The following PCDH7 variants were observed in gnomAD, a reference collection of about 807,000 sequenced individuals.
PCDH7 encodes the protein protocadherin-7.
A neutral mutation model predicts 58.9 loss-of-function variants in PCDH7; 17 were observed. The ratio of observed to expected loss-of-function variants is 0.29; its 90% CI spans 0.20 to 0.43. PCDH7 has a LOEUF of 0.43. Among genes scored for constraint, PCDH7 ranks in the 20% least tolerant of loss-of-function variants. The pLI, the probability that PCDH7 is intolerant of heterozygous loss-of-function variation, is 1.00. For missense variants in PCDH7, 1,274 were observed against 1,441.0 expected (o/e 0.88, Z 1.88); for synonymous variants, 664 against 616.4 (o/e 1.08, Z -1.14).
At chr4:30,861,457 C>T (rs2109354461) in intron 1 of PCDH7, among the ~76,000 whole-genome samples, 1 of 152,300 alleles carries the variant, frequency 6.6e-6, no homozygotes, top group South Asian at 2.1e-4. Context: ...GAAAAAGCAA[C>T]ACAATAACAA....
chr4:30,730,942 A>C, exon 2 of PCDH7: 2 of 1,320,434 alleles, frequency 1.5e-6, no homozygotes, highest in Non-Finnish European at 1.9e-6. Flanking sequence ...TTTCTTTCTC[A>C]TATACAGAAA....
intron 3 of PCDH7, among the ~76,000 whole-genome samples, chr4:31,031,530 T>C (rs1292662783): frequency 6.6e-6 from 1 of 152,186 alleles, no homozygotes; most frequent in African/African-American, 2.4e-5. Context: ...GCTGGAAGGA[T>C]AGTTTATGAA....
intron 1 of PCDH7, among the ~76,000 whole-genome samples, chr4:30,898,782 G>A (rs1291776238): frequency 1.3e-5 from 2 of 152,006 alleles, no homozygotes; most frequent in African/African-American, 2.4e-5. Flanking sequence ...TAGTAGAGAC[G>A]GGGTTTCACT....
chr4:30,857,530 G>T (rs936470166), intron 1 of PCDH7, among the ~76,000 whole-genome samples: 1 of 152,070 alleles, frequency 6.6e-6, no homozygotes, highest in Non-Finnish European at 1.5e-5. Flanking sequence ...AGTAAAGCTC[G>T]TCTGGGTTGT....
intron 3 of PCDH7, among the ~76,000 whole-genome samples, chr4:30,960,882 G>C (rs1748345697): frequency 6.6e-6 from 1 of 152,138 alleles, no homozygotes; most frequent in Admixed American, 6.6e-5. Context: ...ATAAAATTTA[G>C]TTTTAAGATG....
At chr4:30,813,787 G>T (rs548769388) in intron 1 of PCDH7, among the ~76,000 whole-genome samples, 2 of 151,926 alleles carry the variant, frequency 1.3e-5, no homozygotes, top group Non-Finnish European at 2.9e-5. Flanking sequence ...GATTACAGGC[G>T]CCTGCCACCA....
chr4:30,722,199 G>T lies in PCDH7; in HGVS notation c.777G>T (p.Gln259His). Residue 259 changes from glutamine (Q) to histidine (H), a missense_variant, in exon 1 of 2, where the codon CAG (glutamine) becomes CAT (histidine). Physicochemically the swap from Gln to His is conservative, Grantham distance 24. Transcript: ENST00000361762. The surrounding 1 kb of genome is among the most constrained non-coding windows in gnomAD (Gnocchi z 7.6). ...CCCCGGACGGCGAGAAGCAGCCGCA[G>T]CTGATCGTGAAGGGGGCGCTGGACC... The T allele has an allele frequency of 6.3e-7, 1 of 1,581,152 alleles. No individual in the cohort carries two copies. Among genetic ancestry groups the T allele is most frequent in the Non-Finnish European group, 8.6e-7 (1 of 1,164,178 alleles).
chr4:30,942,376 G>A (rs1400656018), intron 2 of PCDH7, among the ~76,000 whole-genome samples: 1 of 151,936 alleles, frequency 6.6e-6, no homozygotes, highest in South Asian at 2.1e-4. Flanking sequence ...TCTTTATAGA[G>A]CCTTGATGAA....
rs544910264 is a variant in PCDH7, at chr4:31,018,292, T to C, written c.*7+68077T>C. 7.2e-5 allele frequency among the ~76,000 whole-genome samples: 11 copies of C among 152,248 alleles called. No homozygotes were observed. The East Asian group carries it at 2.1e-3, about 29-fold the overall frequency. ...AAAGGAAATATTCACCAATGTAACT[T>C]GGGGAGAAAGATTCTGATCAGAAAA... On this transcript the variant is annotated intron_variant, in intron 3 of 3. Coordinates refer to the PCDH7 transcript ENST00000509759.
In PCDH7 at chr4:30,724,269, C is replaced by T. The variant is rs745957828; in HGVS notation, c.2847C>T (p.Ser949=). 2.5e-5 allele frequency: 40 copies of T among 1,613,602 alleles called. No individual in the cohort carries two copies. In the East Asian group the frequency reaches 6.7e-4, roughly 27 times the overall value. Reference sequence around the variant, plus strand: ...AAAAATCTAAGCAGCCTCTCTACAGCAGCATTGTCACTGTGGAGGCTTCTA... The same window carrying T: ...AAAAATCTAAGCAGCCTCTCTACAGTAGCATTGTCACTGTGGAGGCTTCTA... Residue 949 remains serine, a synonymous_variant, in exon 1 of 2, where the codon AGC becomes AGT. Transcript: ENST00000361762.
intron 3 of PCDH7, among the ~76,000 whole-genome samples, chr4:31,068,202 A>G (rs1179844814): frequency 2.0e-5 from 3 of 151,904 alleles, no homozygotes; most frequent in Admixed American, 1.3e-4. Context: ...CTAACTAAAG[A>G]GAAAGTAGAT....
intron 1 of PCDH7, among the ~76,000 whole-genome samples, chr4:30,749,726 G>A (rs1718258402): frequency 6.6e-6 from 1 of 152,104 alleles, no homozygotes; most frequent in Admixed American, 6.6e-5. Context: ...CGAAACCAGT[G>A]AATCCTGATG....
chr4:30,730,568 C>T (rs1461104372), intron 1 of PCDH7, among the ~76,000 whole-genome samples: 2 of 152,084 alleles, frequency 1.3e-5, no homozygotes, highest in African/African-American at 4.8e-5. Context: ...GGTAGGATTC[C>T]TCTGACAAGT....
At chr4:30,908,439 G>T (rs974909033) in intron 1 of PCDH7, among the ~76,000 whole-genome samples, 1 of 152,028 alleles carries the variant, frequency 6.6e-6, no homozygotes, top group African/African-American at 2.4e-5. Context: ...AGTATAATTG[G>T]CCATAAGGTG....
intron 3 of PCDH7, among the ~76,000 whole-genome samples, chr4:31,095,225 A>AT (rs1713806973): frequency 6.6e-6 from 1 of 151,910 alleles, no homozygotes; most frequent in Admixed American, 6.6e-5. Context: ...TCTATGGTAG[A>AT]TTTTGTAACT....
intron 3 of PCDH7, among the ~76,000 whole-genome samples, chr4:31,125,677 C>T (rs1189426843): frequency 6.6e-6 from 1 of 152,210 alleles, no homozygotes; most frequent in Non-Finnish European, 1.5e-5. Flanking sequence ...GCCATACTTC[C>T]TGGTCATCCA....
intron 3 of PCDH7, among the ~76,000 whole-genome samples, chr4:31,017,042 A>G (rs185261370): frequency 7.9e-5 from 12 of 152,102 alleles, no homozygotes; most frequent in African/African-American, 2.9e-4. Flanking sequence ...GTGTGACAGG[A>G]AGATTTATTT....
chr4:30,893,856 A>T (rs1738928429), intron 1 of PCDH7, among the ~76,000 whole-genome samples: 1 of 152,128 alleles, frequency 6.6e-6, no homozygotes, highest in Non-Finnish European at 1.5e-5. Flanking sequence ...TGCATGTATC[A>T]TCTTGGCTAA....
At chr4:30,869,218 C>A (rs1735241750) in intron 1 of PCDH7, 2 of 152,006 alleles carry the variant, frequency 1.3e-5, no homozygotes, top group Admixed American at 6.6e-5. Flanking sequence ...ACAAGGAAAA[C>A]CTATCAAAAA....
Sources: allele counts gnomAD v4.1 joint callset (sites outside exome capture counted in the v4.1 genomes callset), GRCh38; gene constraint gnomAD v4.1.1; non-coding constraint Gnocchi (gnomAD v3.1); transcripts MANE v1.5; gene names NCBI Gene and HGNC (gene_info 2026-07-23, HGNC 2026-07-21).